The following COG5 variants were observed in gnomAD, a reference collection of about 807,000 sequenced individuals.
COG5 encodes the protein component of oligomeric golgi complex 5, also known as conserved oligomeric Golgi complex subunit 5.
Under a neutral mutation model 110.4 loss-of-function variants are expected in COG5, and 86 were observed. That is an observed-to-expected ratio of 0.78 (90% CI 0.65 to 0.93). The LOEUF (loss-of-function observed/expected upper bound fraction) is 0.93, where lower values mean the gene tolerates loss of function less well. Among genes scored for constraint, COG5 ranks in the 40% least tolerant of loss-of-function variants. The pLI is 0.00. For synonymous variants in COG5, 360 were observed against 334.6 expected, an observed-to-expected ratio of 1.08 and a Z score of -0.83; for missense variants, 1,077 against 987.0, an observed-to-expected ratio of 1.09 and a Z score of -1.22.
At chr7:107,389,154 C>A (rs946359747) in intron 7 of COG5, among the ~76,000 whole-genome samples, 2 of 152,196 alleles carry the variant, frequency 1.3e-5, no homozygotes, top group African/African-American at 4.8e-5. Flanking sequence ...CCTGGGCAGA[C>A]ACCCGCTTCC....
At chr7:107,501,245 C>T (rs1584901095) in intron 6 of COG5, among the ~76,000 whole-genome samples, 1 of 151,836 alleles carries the variant, frequency 6.6e-6, no homozygotes, top group East Asian at 1.9e-4. Flanking sequence ...GTAATATATA[C>T]TAGAAGGGAA....
At chr7:107,360,469 GAAGGA>G (rs976681194) in intron 10 of COG5, among the ~76,000 whole-genome samples, 1 of 152,222 alleles carries the variant, frequency 6.6e-6, no homozygotes, top group African/African-American at 2.4e-5. Flanking sequence ...TGGGCAACAA[GAAGGA>G]GAGAAGAGCT....
At chr7:107,541,248 G>A (rs1348249279) in intron 5 of COG5, among the ~76,000 whole-genome samples, 1 of 151,640 alleles carries the variant, frequency 6.6e-6, no homozygotes, top group African/African-American at 2.4e-5. Context: ...TGTAATTCCA[G>A]CACTTTGGGA....
intron 11 of COG5, among the ~76,000 whole-genome samples, chr7:107,299,575 T>G (rs1018627853): frequency 6.6e-6 from 1 of 151,890 alleles, no homozygotes; most frequent in Non-Finnish European, 1.5e-5. Context: ...ATGACTTTAG[T>G]GGTGAATTTT....
intron 7 of COG5, among the ~76,000 whole-genome samples, chr7:107,394,848 G>A (rs1312794200): frequency 6.6e-6 from 1 of 152,036 alleles, no homozygotes; most frequent in Non-Finnish European, 1.5e-5. Context: ...TGTATCATGA[G>A]GACTAACAAT....
chr7:107,214,563 C>T (rs1799388593), intron 19 of COG5, among the ~76,000 whole-genome samples: 1 of 151,962 alleles, frequency 6.6e-6, no homozygotes, highest in Admixed American at 6.6e-5. Context: ...CTCAGAAAAA[C>T]CTAGAAGTGT....
chr7:107,316,563 C>T (rs964319981), intron 11 of COG5, among the ~76,000 whole-genome samples: 2 of 150,828 alleles, frequency 1.3e-5, no homozygotes, highest in Non-Finnish European at 2.9e-5. Flanking sequence ...CCTGTAATCC[C>T]GGCACTTTGG....
intron 6 of COG5, among the ~76,000 whole-genome samples, chr7:107,496,505 C>T (rs1246388601): frequency 1.3e-5 from 2 of 151,694 alleles, no homozygotes; most frequent in South Asian, 2.1e-4. Context: ...ACTAAAAACA[C>T]AAAAATTAGC....
chr7:107,332,130 G>A (rs1810306926), intron 10 of COG5, among the ~76,000 whole-genome samples: 1 of 152,178 alleles, frequency 6.6e-6, no homozygotes, highest in Admixed American at 6.5e-5. Context: ...TTACAGGCAT[G>A]AGCCACCACA....
intron 6 of COG5, among the ~76,000 whole-genome samples, chr7:107,499,549 G>A (rs945603204): frequency 2.6e-5 from 4 of 151,994 alleles, no homozygotes; most frequent in African/African-American, 7.3e-5. Context: ...AGGATTAAAG[G>A]AGCACGTCAC....
intron 6 of COG5, among the ~76,000 whole-genome samples, chr7:107,441,204 C>T (rs567069967): frequency 3.6e-5 from 5 of 138,020 alleles, no homozygotes; most frequent in Admixed American, 1.6e-4. Context: ...TGCAGTGAGC[C>T]GAGATCGCGC....
chr7:107,540,604 A>G (rs1454895928), intron 5 of COG5, among the ~76,000 whole-genome samples: 1 of 150,036 alleles, frequency 6.7e-6, no homozygotes, highest in Non-Finnish European at 1.5e-5. Flanking sequence ...AATAAAAATT[A>G]AAATTAAATA....
intron 21 of COG5, chr7:107,209,186 G>T (rs1312497421): frequency 1.1e-5 from 11 of 985,378 alleles, no homozygotes; most frequent in Non-Finnish European, 1.1e-5. Flanking sequence ...CAGACCAACA[G>T]AATTGGGATC....
Position 107,527,217 on chromosome 7 carries a change from A to T in COG5, c.538+20T>A, listed in dbSNP as rs537674225. On this transcript the variant is annotated intron_variant, in intron 6 of 21. Transcript: ENST00000297135. ...TTAAATCTCTACTAACTTTTTATTT[A>T]AAAAAAAAAAAAAACTTACCAAGTT... The T allele has an allele frequency of 2.8e-3, 1,875 of 663,256 alleles. No homozygotes were observed. Among genetic ancestry groups the T allele is most frequent in the Non-Finnish European group, 3.5e-3 (1,704 of 483,740 alleles). 41.1% of individuals were successfully genotyped at this position (663,256 alleles called of 1,614,324 possible).
Position 107,450,299 on chromosome 7 carries a change from T to C in COG5, c.539-37667A>G, listed in dbSNP as rs184946140. On this transcript the variant is annotated intron_variant, in intron 6 of 21. Coordinates refer to ENST00000297135, the MANE Select transcript of COG5 (RefSeq NM_006348.5). Reference sequence around the variant, plus strand: ...TAGCTGATGGTGCCTGGATCTACAATGCCACTTCCACCAACATGGCAAAGA... The same window carrying C: ...TAGCTGATGGTGCCTGGATCTACAACGCCACTTCCACCAACATGGCAAAGA... The C allele has an allele frequency of 4.1e-3, 634 of 153,434 alleles. 2 individuals are homozygous for C. Among genetic ancestry groups the C allele is most frequent in the Non-Finnish European group, 6.7e-3 (461 of 68,558 alleles). 9.5% of individuals were successfully genotyped at this position (153,434 alleles called of 1,614,324 possible). A position where few individuals can be genotyped will look rare whatever the true frequency, so the allele number is the denominator to read the frequency against.
chr7:107,345,008 G>C (rs2129038051), intron 10 of COG5, among the ~76,000 whole-genome samples: 1 of 152,292 alleles, frequency 6.6e-6, no homozygotes, highest in Admixed American at 6.5e-5. Context: ...TTTAAAATGA[G>C]AGGCATGTGA....
intron 17 of COG5, among the ~76,000 whole-genome samples, chr7:107,243,661 C>G (rs1480287875): frequency 6.6e-6 from 1 of 151,986 alleles, no homozygotes; most frequent in Admixed American, 6.6e-5. Context: ...CAACATTGGA[C>G]CAAATGCAAC....
At chr7:107,435,945 G>C (rs1247625322) in intron 6 of COG5, among the ~76,000 whole-genome samples, 1 of 152,164 alleles carries the variant, frequency 6.6e-6, no homozygotes, top group South Asian at 2.1e-4. Flanking sequence ...CATACACAAT[G>C]GAATACTATT....
chr7:107,403,066 C>T (rs1006479670), intron 7 of COG5, among the ~76,000 whole-genome samples: 1 of 151,860 alleles, frequency 6.6e-6, no homozygotes, highest in Non-Finnish European at 1.5e-5. Flanking sequence ...CAAATAAATA[C>T]AAAACACTTA....
Sources: allele counts gnomAD v4.1 joint callset (sites outside exome capture counted in the v4.1 genomes callset), GRCh38; gene constraint gnomAD v4.1.1; transcripts MANE v1.5; gene names NCBI Gene and HGNC (gene_info 2026-07-23, HGNC 2026-07-21).